Variants in SLC24A4 observed in about 807,000 individuals in gnomAD.
The protein encoded by SLC24A4 is solute carrier family 24 member 4, also known as sodium/potassium/calcium exchanger 4.
In SLC24A4, 53 loss-of-function variants were observed where a neutral mutation model predicts 79.0. The ratio of observed to expected loss-of-function variants is 0.67; its 90% confidence interval spans 0.54 to 0.84. The LOEUF is 0.84. Among genes scored for constraint, SLC24A4 ranks in the 40% least tolerant of loss-of-function variants. SLC24A4 has a pLI of 0.00. For missense variants in SLC24A4, 731 were observed against 822.0 expected (o/e 0.89, Z 1.35); for synonymous variants, 323 against 323.8 (o/e 1.00, Z 0.03).
At chr14:92,434,087 G>A in intron 3 of SLC24A4, 99 bp downstream of exon 3, 2 of 937,990 alleles carry the variant, frequency 2.1e-6, no homozygotes, top group South Asian at 1.3e-5. Context: ...TTTTATTCTT[G>A]TAACAGCCCA....
At chr14:92,427,014 C>T (rs981972162) in intron 2 of SLC24A4, among the ~76,000 whole-genome samples, 1 of 152,168 alleles carries the variant, frequency 6.6e-6, no homozygotes, top group African/African-American at 2.4e-5. Context: ...AAATTCAATT[C>T]ACAGTTTACA....
chr14:92,425,641 A>C (rs1196928598), intron 2 of SLC24A4, among the ~76,000 whole-genome samples: 1 of 152,188 alleles, frequency 6.6e-6, no homozygotes, highest in Non-Finnish European at 1.5e-5. Context: ...GATGCTGAAC[A>C]AAGCACTTGA....
intron 2 of SLC24A4, among the ~76,000 whole-genome samples, chr14:92,340,839 C>A (rs1886100637): frequency 6.6e-6 from 1 of 152,104 alleles, no homozygotes; most frequent in Non-Finnish European, 1.5e-5. Flanking sequence ...GGGCTTAATC[C>A]CAGCAGGATT....
chr14:92,390,864 G>A (rs967810080), intron 2 of SLC24A4, among the ~76,000 whole-genome samples: 2 of 152,166 alleles, frequency 1.3e-5, no homozygotes, highest in African/African-American at 2.4e-5. Flanking sequence ...CTTGGTTCAG[G>A]GTCTTAGCAC....
intron 2 of SLC24A4, among the ~76,000 whole-genome samples, chr14:92,341,541 A>T (rs1886141854): frequency 6.6e-6 from 1 of 152,244 alleles, no homozygotes; most frequent in South Asian, 2.1e-4. Context: ...AGCATCGGCA[A>T]AGAGAGCTGT....
At chr14:92,359,942 C>T (rs569145196) in intron 2 of SLC24A4, among the ~76,000 whole-genome samples, 5 of 152,192 alleles carry the variant, frequency 3.3e-5, no homozygotes, top group Admixed American at 1.3e-4. Flanking sequence ...TTTTTTGAGA[C>T]GGAGTCTCAC....
At chr14:92,454,169 T>A in intron 11 of SLC24A4, 100 bp downstream of exon 11, 1 of 1,279,902 alleles carries the variant, frequency 7.8e-7, no homozygotes, top group Non-Finnish European at 1.1e-6. Flanking sequence ...TGCACCTGTT[T>A]AAGGAAGGAT....
intron 2 of SLC24A4, among the ~76,000 whole-genome samples, chr14:92,427,154 CAG>C (rs1432026639): frequency 3.9e-5 from 6 of 152,244 alleles, no homozygotes; most frequent in African/African-American, 1.2e-4. Context: ...TTTGGGAAGA[CAG>C]GGGCTGAGGA....
In SLC24A4 at chr14:92,486,852, A is replaced by G. The variant is rs1176775388; in HGVS notation, c.1537+72A>G. The stretch of plus-strand genomic sequence containing the variant: ...GTGTCCTCGTCCCTGCCTGACTTAC[A>G]GTTGACCAAGTTGTGGCTCTTATGA... On this transcript the variant is annotated intron_variant, in intron 14 of 16. Transcript: ENST00000532405. 5.6e-6 allele frequency: 6 copies of G among 1,075,408 alleles called. No individual in the cohort carries two copies. In the South Asian group the frequency reaches 5.8e-5, roughly 10 times the overall value. The allele number at this position is 1,075,408 out of a possible 1,614,324, so 66.6% of individuals were successfully genotyped here. A position where few individuals can be genotyped will look rare whatever the true frequency, so the allele number is the denominator to read the frequency against.
intron 13 of SLC24A4, chr14:92,484,477 C>T: frequency 1.0e-6 from 1 of 985,398 alleles, no homozygotes; most frequent in Non-Finnish European, 1.2e-6. Flanking sequence ...TCAGGACGGA[C>T]TCTGTGACTC....
In SLC24A4 at chr14:92,405,819, C is replaced by A. The variant is rs139474906; in HGVS notation, c.242-28093C>A. 3.4e-3 allele frequency among the ~76,000 whole-genome samples: 524 copies of A among 152,228 alleles called. 2 individuals carry two copies. Among genetic ancestry groups the A allele is most frequent in the African/African-American group, 0.012 (479 of 41,528 alleles). On this transcript the variant is annotated intron_variant, in intron 2 of 16. Transcript: ENST00000532405. ...ATTTGACATGAGATTTGGGCATGGA[C>A]ACAAATCCAAACCATATCATCCCAC...
intron 12 of SLC24A4, among the ~76,000 whole-genome samples, chr14:92,474,843 G>GTGTGTGTATATATATATT (rs779007741): frequency 4.2e-5 from 1 of 23,884 alleles, no homozygotes; most frequent in African/African-American, 9.8e-5. Flanking sequence ...GTGTGTGTGT[G>GTGTGTGTATATATATATT]TATATATATA....
chr14:92,389,516 G>A (rs554542536), intron 2 of SLC24A4, among the ~76,000 whole-genome samples: 2 of 152,292 alleles, frequency 1.3e-5, no homozygotes, highest in South Asian at 2.1e-4. Flanking sequence ...TGGAAACCCA[G>A]CCCTTTCTGA....
At chr14:92,437,935 A>C (rs971236288) in intron 3 of SLC24A4, among the ~76,000 whole-genome samples, 10 of 152,170 alleles carry the variant, frequency 6.6e-5, no homozygotes, top group African/African-American at 2.4e-4. Context: ...GTAGAAAAAA[A>C]AGTGTTTTTC....
In SLC24A4 at chr14:92,323,851, C is replaced by G. The variant is rs1425007589; in HGVS notation, c.21C>G (p.Leu7=). MALRGT[L]RPLKVRRRRE... The stretch of plus-strand genomic sequence containing the variant: ...CCGGGATGGCGCTCCGCGGGACCCT[C>G]CGGCCGCTCAAAGTTCGCAGGAGGC... The change falls in exon 1 of 17, where the codon CTC becomes CTG. Residue 7 remains leucine, a synonymous_variant. Transcript: ENST00000532405. This position sits in a 1 kb window ranked among gnomAD's most constrained non-coding sequence, Gnocchi z 4.9. The G allele has an allele frequency of 8.8e-6, 14 of 1,589,624 alleles. No homozygotes were observed. Among genetic ancestry groups the G allele is most frequent in the East Asian group, 2.3e-5 (1 of 44,396 alleles).
intron 9 of SLC24A4, among the ~76,000 whole-genome samples, chr14:92,447,982 C>T (rs1344222592): frequency 6.6e-6 from 1 of 152,118 alleles, no homozygotes; most frequent in East Asian, 1.9e-4. Flanking sequence ...GAATACTATG[C>T]AGCCAGAAAA....
Position 92,493,728 on chromosome 14 carries a change from G to A in SLC24A4, c.*100G>A, listed in dbSNP as rs888724205. 3.0e-6 allele frequency: 4 copies of A among 1,353,852 alleles called. No individual in the cohort carries two copies. Among genetic ancestry groups the A allele is most frequent in the Non-Finnish European group, 4.0e-6 (4 of 993,196 alleles). The allele number at this position is 1,353,852 out of a possible 1,614,324, so 83.9% of individuals were successfully genotyped here. A position where few individuals can be genotyped will look rare whatever the true frequency, so the allele number is the denominator to read the frequency against. The stretch of plus-strand genomic sequence containing the variant: ...ACCACAGGTCTCTCCTGCATAGGCA[G>A]CCACTGTCCGTTCTTTCACACACTG... On this transcript the variant is annotated 3_prime_UTR_variant, in exon 17 of 17. Coordinates refer to ENST00000532405, the MANE Select transcript of SLC24A4 (RefSeq NM_153646.4).
intron 2 of SLC24A4, among the ~76,000 whole-genome samples, chr14:92,431,006 G>C (rs1317442082): frequency 6.6e-6 from 1 of 152,200 alleles, no homozygotes; most frequent in Non-Finnish European, 1.5e-5. Flanking sequence ...GAAGCCCATG[G>C]GAGGAGAAGG....
chr14:92,492,633 TGAGC>T (rs1895746987), intron 16 of SLC24A4, among the ~76,000 whole-genome samples: 1 of 152,202 alleles, frequency 6.6e-6, no homozygotes, highest in Non-Finnish European at 1.5e-5. Flanking sequence ...AGGTCTGTGC[TGAGC>T]ACTTGACTTC....
Sources: allele counts gnomAD v4.1 joint callset (sites outside exome capture counted in the v4.1 genomes callset), GRCh38; gene constraint gnomAD v4.1.1; non-coding constraint Gnocchi (gnomAD v3.1); transcripts MANE v1.5; gene names NCBI Gene and HGNC (gene_info 2026-07-23, HGNC 2026-07-21).